PHF24: variants seen among roughly 807,000 people sequenced by gnomAD.
The protein encoded by PHF24 is Galpha inhibitory interacting protein.
In PHF24, 25 loss-of-function variants were observed where a neutral mutation model predicts 42.6. That is an observed-to-expected ratio of 0.59 (90% CI 0.43 to 0.82). The LOEUF is 0.82. Among genes scored for constraint, PHF24 ranks in the 40% least tolerant of loss-of-function variants. The pLI is 0.00. For synonymous variants in PHF24, 185 were observed against 204.8 expected (o/e 0.90, Z 0.83); for missense variants, 470 against 538.1 (o/e 0.87, Z 1.25).
upstream of PHF24, among the ~76,000 whole-genome samples, chr9:34,956,576 G>T (rs1304643275): frequency 6.6e-6 from 1 of 152,158 alleles, no homozygotes. Flanking sequence ...TTTGAATGAA[G>T]GAAGGAATTA....
At chr9:34,872,668 C>T in the PHF24 span, among the ~76,000 whole-genome samples, 157 of 141,172 alleles carry the variant, frequency 1.1e-3, 1 homozygote, top group African/African-American at 3.6e-3. Flanking sequence ...AATAAACATA[C>T]GTGTGCATGT....
At chr9:34,883,881 T>C in the PHF24 span, among the ~76,000 whole-genome samples, 1 of 152,178 alleles carries the variant, frequency 6.6e-6, no homozygotes, top group Non-Finnish European at 1.5e-5. Context: ...ACCCAAAGGA[T>C]TATAAATCAT....
chr9:34,962,570 G>A (rs1328261803), intron 1 of PHF24, among the ~76,000 whole-genome samples: 3 of 152,086 alleles, frequency 2.0e-5, no homozygotes, highest in African/African-American at 4.8e-5. Flanking sequence ...GGCTGTACTC[G>A]GCGAAAGTTT....
chr9:34,709,688 G>A, the PHF24 span: 1 of 1,613,778 alleles, frequency 6.2e-7, no homozygotes, highest in South Asian at 1.1e-5. Flanking sequence ...AGAACCTGCG[G>A]GTGGGGGCTA....
chr9:34,762,131 A>G, the PHF24 span, among the ~76,000 whole-genome samples: 1 of 152,152 alleles, frequency 6.6e-6, no homozygotes, highest in African/African-American at 2.4e-5. Flanking sequence ...AGTCTTTGCT[A>G]TTGTGAATAG....
At chr9:34,812,530 C>G in the PHF24 span, among the ~76,000 whole-genome samples, 2 of 152,176 alleles carry the variant, frequency 1.3e-5, no homozygotes, top group African/African-American at 4.8e-5. Flanking sequence ...AAGAAATCAT[C>G]TATATTTATT....
At chr9:34,976,182 G>A in exon 4 of PHF24, 1 of 1,614,170 alleles carries the variant, frequency 6.2e-7, no homozygotes, top group South Asian at 1.1e-5. Flanking sequence ...TACTGAGGAG[G>A]AAATGTATAG....
At chr9:34,672,148 A>G in the PHF24 span, among the ~76,000 whole-genome samples, 5 of 151,534 alleles carry the variant, frequency 3.3e-5, no homozygotes, top group Admixed American at 1.3e-4. Flanking sequence ...CTACTTTTCT[A>G]TACCCCTTTT....
the PHF24 span, among the ~76,000 whole-genome samples, chr9:34,763,267 G>A: frequency 6.6e-6 from 1 of 152,162 alleles, no homozygotes; most frequent in South Asian, 2.1e-4. Context: ...GGATGGCATT[G>A]AATCTATGAA....
the PHF24 span, among the ~76,000 whole-genome samples, chr9:34,701,183 T>C: frequency 6.6e-6 from 1 of 152,108 alleles, no homozygotes; most frequent in Non-Finnish European, 1.5e-5. The surrounding 1 kb of genome is among the most constrained non-coding windows in gnomAD (Gnocchi z 5.8). Context: ...GCTCCAGGTC[T>C]GGCCAAATCC....
chr9:34,935,537 T>A, the PHF24 span, among the ~76,000 whole-genome samples: 1 of 141,218 alleles, frequency 7.1e-6, no homozygotes, highest in South Asian at 2.2e-4. Context: ...GAGGTTGCAG[T>A]GAACCAAGAC....
chr9:34,938,728 G>A, the PHF24 span, among the ~76,000 whole-genome samples: 1 of 150,006 alleles, frequency 6.7e-6, no homozygotes, highest in East Asian at 2.0e-4. Context: ...AGGAGATCAA[G>A]ACCATCCTGG....
chr9:34,765,890 T>G, the PHF24 span, among the ~76,000 whole-genome samples: 2 of 151,672 alleles, frequency 1.3e-5, no homozygotes, highest in African/African-American at 2.4e-5. Context: ...TTTTAGGGCA[T>G]GCCTGGTGGT....
At chr9:34,790,441 A>T in the PHF24 span, among the ~76,000 whole-genome samples, 137 of 152,292 alleles carry the variant, frequency 9.0e-4, no homozygotes, top group African/African-American at 2.8e-3. Flanking sequence ...TTTATTTTTT[A>T]AAAAAAATGA....
the PHF24 span, among the ~76,000 whole-genome samples, chr9:34,851,172 T>A: frequency 2.0e-5 from 3 of 152,262 alleles, no homozygotes; most frequent in East Asian, 1.9e-4. Flanking sequence ...GTTACTGCTG[T>A]CTTTTTGTTT....
intron 4 of PHF24, 93 bp from the exon 5 acceptor site, chr9:34,976,442 G>A: frequency 1.5e-6 from 2 of 1,324,190 alleles, no homozygotes; most frequent in Non-Finnish European, 2.1e-6. Context: ...CAAGAGCTGT[G>A]GGTTTGGGGG....
the PHF24 span, among the ~76,000 whole-genome samples, chr9:34,780,298 C>CTTTTTTTTTTTTTTTTTTTTTTTTTCT: frequency 1.6e-5 from 1 of 63,896 alleles, no homozygotes; most frequent in Non-Finnish European, 3.3e-5. Flanking sequence ...TTCTTTTTTT[C>CTTTTTTTTTTTTTTTTTTTTTTTTTCT]TTTTTTTTTT....
At chr9:34,976,838 C>T (rs1386266998) in intron 5 of PHF24, 98 bp downstream of exon 5, 3 of 1,098,412 alleles carry the variant, frequency 2.7e-6, no homozygotes, top group South Asian at 1.5e-5. Context: ...CCTGCTCAAG[C>T]AGGGACAAGT....
upstream of PHF24, among the ~76,000 whole-genome samples, chr9:34,955,762 C>T (rs1328640572): frequency 6.6e-6 from 1 of 152,188 alleles, no homozygotes; most frequent in African/African-American, 2.4e-5. Flanking sequence ...CTTATTCAAT[C>T]CCACCTTGCT....
Sources: allele counts gnomAD v4.1 joint callset (sites outside exome capture counted in the v4.1 genomes callset), GRCh38; gene constraint gnomAD v4.1.1; non-coding constraint Gnocchi (gnomAD v3.1); transcripts MANE v1.5; gene names NCBI Gene and HGNC (gene_info 2026-07-23, HGNC 2026-07-21).